The following PITPNM3 variants were observed in gnomAD, a reference collection of about 807,000 sequenced individuals.
PITPNM3 encodes the protein PITPNM family member 3, also known as membrane-associated phosphatidylinositol transfer protein 3.
PITPNM3 carries 26 observed loss-of-function variants against 102.0 expected under a neutral mutation model. The ratio of observed to expected loss-of-function variants is 0.25; its 90% CI spans 0.19 to 0.35. The LOEUF is 0.35. Among genes scored for constraint, PITPNM3 ranks in the 10% least tolerant of loss-of-function variants. The pLI is 1.00. For synonymous variants in PITPNM3, 578 were observed against 558.6 expected (o/e 1.03, Z -0.49); for missense variants, 1,083 against 1,346.1 (o/e 0.80, Z 3.06).
intron 1 of PITPNM3, among the ~76,000 whole-genome samples, chr17:6,544,813 CAT>C (rs916417515): frequency 2.6e-5 from 4 of 151,912 alleles, no homozygotes; most frequent in South Asian, 2.1e-4. Context: ...CCCGTAGACA[CAT>C]AGAGCCCAGA....
intron 4 of PITPNM3, among the ~76,000 whole-genome samples, chr17:6,486,937 T>C (rs1416247479): frequency 6.6e-6 from 1 of 152,194 alleles, no homozygotes; most frequent in East Asian, 1.9e-4. Flanking sequence ...TCAACCTATG[T>C]CACTTGCCCC....
chr17:6,544,086 G>A (rs757303037), intron 1 of PITPNM3, among the ~76,000 whole-genome samples: 6 of 152,220 alleles, frequency 3.9e-5, no homozygotes, highest in South Asian at 4.1e-4. Context: ...GCCCCTGAGC[G>A]AGGCCCTGGT....
At chr17:6,506,896 C>A (rs1727848074) in intron 3 of PITPNM3, among the ~76,000 whole-genome samples, 2 of 152,218 alleles carry the variant, frequency 1.3e-5, no homozygotes, top group Admixed American at 1.3e-4. Context: ...GGCCTGCTGG[C>A]CCCATCCAGG....
At chr17:6,482,160 G>A (rs1284870284) in intron 6 of PITPNM3, among the ~76,000 whole-genome samples, 1 of 151,740 alleles carries the variant, frequency 6.6e-6, no homozygotes, top group Non-Finnish European at 1.5e-5. Flanking sequence ...TAGGTCATGA[G>A]ACCCTCATTT....
intron 19 of PITPNM3, among the ~76,000 whole-genome samples, chr17:6,455,868 CG>C (rs1914093928): frequency 6.6e-6 from 1 of 151,318 alleles, no homozygotes; most frequent in African/African-American, 2.4e-5. Context: ...GAACACTCTA[CG>C]GAGGCACCTC....
chr17:6,544,074 G>A (rs1335534618), intron 1 of PITPNM3, among the ~76,000 whole-genome samples: 1 of 152,234 alleles, frequency 6.6e-6, no homozygotes, highest in Non-Finnish European at 1.5e-5. Flanking sequence ...GGAGGAACAG[G>A]TGCCCCTGAG....
intron 8 of PITPNM3, 39 bp downstream of exon 8, chr17:6,477,936 T>C: frequency 1.2e-6 from 2 of 1,607,690 alleles, no homozygotes; most frequent in Non-Finnish European, 1.7e-6. Context: ...CCTGCTCCTA[T>C]GGGCATACCC....
At chr17:6,499,154 C>T (rs1907018944) in intron 4 of PITPNM3, among the ~76,000 whole-genome samples, 1 of 152,170 alleles carries the variant, frequency 6.6e-6, no homozygotes, top group South Asian at 2.1e-4. Context: ...ACAATGGTTC[C>T]CTTGGCTTCC....
At chr17:6,503,598 G>A in intron 3 of PITPNM3, 24 bp from the exon 4 acceptor site, 3 of 1,604,510 alleles carry the variant, frequency 1.9e-6, no homozygotes, top group Non-Finnish European at 2.5e-6. Context: ...AAAGAAACAT[G>A]AGCAGATCCT....
In PITPNM3 at chr17:6,516,252, G is replaced by T. The variant is rs1009617602; in HGVS notation, c.226+9104C>A. On this transcript the variant is annotated intron_variant, in intron 3 of 19. Transcript: ENST00000262483. Reference sequence around the variant, plus strand: ...AGAAGAACAAGGTAACGTGTGGTTAGAAAAGTCTCTGGAAGAGAAAGAAAT... The same window carrying T: ...AGAAGAACAAGGTAACGTGTGGTTATAAAAGTCTCTGGAAGAGAAAGAAAT... Among the ~76,000 whole-genome samples the T allele has an allele frequency of 4.9e-4, 74 of 152,196 alleles. 1 individual carries two copies. The highest frequency in any genetic ancestry group is 3.9e-4 in the Admixed American group (6 of 15,274).
chr17:6,488,790 G>C (rs1906249792), intron 4 of PITPNM3, among the ~76,000 whole-genome samples: 1 of 152,146 alleles, frequency 6.6e-6, no homozygotes, highest in African/African-American at 2.4e-5. Context: ...GCCACATAAA[G>C]GGGACCCCAG....
Position 6,483,730 on chromosome 17 carries a change from C to A in PITPNM3, c.374G>T (p.Cys125Phe). ...DSEEGCPQRS[C>F]KTHVLLLVLH... ...GACCAGCAGGAGGACATGTGTCTTG[C>A]AGGAGCGCTGCGGGCAGCCTTCCTG... Residue 125 changes from cysteine to phenylalanine, a missense_variant, in exon 6 of 20, where the codon TGC (cysteine) becomes TTC (phenylalanine). This residue lies in a region of PITPNM3 where 290 missense variants were observed against 337.8 expected (regional missense o/e 0.86). Transcript: ENST00000262483. 6.2e-7 allele frequency: 1 copy of A among 1,613,476 alleles called. No individual in the cohort carries two copies. Among genetic ancestry groups the A allele is most frequent in the South Asian group, 1.1e-5 (1 of 91,080 alleles).
intron 9 of PITPNM3, among the ~76,000 whole-genome samples, chr17:6,476,409 A>C (rs545958773): frequency 6.6e-6 from 1 of 152,374 alleles, no homozygotes; most frequent in South Asian, 2.1e-4. Context: ...AGCTGAATTA[A>C]TGTGCAGATA....
chr17:6,546,033 G>A (rs986066216), intron 1 of PITPNM3, among the ~76,000 whole-genome samples: 1 of 152,214 alleles, frequency 6.6e-6, no homozygotes, highest in East Asian at 1.9e-4. Flanking sequence ...TCTGGATCAG[G>A]GTGAATTTGG....
intron 1 of PITPNM3, among the ~76,000 whole-genome samples, chr17:6,546,659 C>G (rs1229327388): frequency 2.0e-5 from 3 of 152,202 alleles, no homozygotes; most frequent in Admixed American, 1.3e-4. Context: ...CACAATGGCA[C>G]CCAGCACAAT....
chr17:6,489,366 G>A (rs79632261), intron 4 of PITPNM3, among the ~76,000 whole-genome samples: 70 of 150,642 alleles, frequency 4.6e-4, no homozygotes, highest in African/African-American at 1.5e-3. Context: ...ACCAAGCAGA[G>A]CTGGGCCCAG....
intron 2 of PITPNM3, among the ~76,000 whole-genome samples, chr17:6,530,591 A>G (rs1909091187): frequency 6.6e-6 from 1 of 152,198 alleles, no homozygotes; most frequent in Non-Finnish European, 1.5e-5. Flanking sequence ...TCTAGCTCAG[A>G]GAGTTCCCTT....
intron 4 of PITPNM3, among the ~76,000 whole-genome samples, chr17:6,502,158 A>G (rs2150606270): frequency 6.6e-6 from 1 of 152,350 alleles, no homozygotes; most frequent in Non-Finnish European, 1.5e-5. Flanking sequence ...AAGCAGAAAA[A>G]GGTTCTCCAT....
intron 1 of PITPNM3, among the ~76,000 whole-genome samples, chr17:6,547,739 TTTTC>T (rs914378995): frequency 1.2e-4 from 18 of 148,402 alleles, no homozygotes; most frequent in African/African-American, 2.3e-4. Flanking sequence ...TTTTCTTTTC[TTTTC>T]TTTTTTTTTT....
Sources: allele counts gnomAD v4.1 joint callset (sites outside exome capture counted in the v4.1 genomes callset), GRCh38; gene constraint gnomAD v4.1.1; regional missense constraint gnomAD v4.1.1; transcripts MANE v1.5; gene names NCBI Gene and HGNC (gene_info 2026-07-23, HGNC 2026-07-21).